The following ABCA12 variants were observed in gnomAD, a reference collection of about 807,000 sequenced individuals.
ABCA12 encodes ATP binding cassette subfamily A member 12, also known as glucosylceramide transporter ABCA12.
A neutral mutation model predicts 293.5 loss-of-function variants in ABCA12; 156 were observed. The observed-to-expected ratio is 0.53, with a 90% CI of 0.47 to 0.61. The LOEUF is 0.61. ABCA12 is among the 20% of genes least tolerant of loss of function. The probability of loss-of-function intolerance (pLI) is 0.00; values close to 1 mark genes in which losing one functional copy is unlikely to be tolerated. For synonymous variants in ABCA12, 1,063 were observed against 1,108.0 expected (o/e 0.96, Z 0.81); for missense variants, 2,797 against 3,090.2 (o/e 0.91, Z 2.25).
intron 8 of ABCA12, among the ~76,000 whole-genome samples, chr2:215,034,226 A>G (rs2106033998): frequency 6.6e-6 from 1 of 152,306 alleles, no homozygotes; most frequent in East Asian, 1.9e-4. Flanking sequence ...TCCTAGCTGG[A>G]GCCGAGCTGA....
chr2:214,974,547 A>G (rs535518638), intron 35 of ABCA12, among the ~76,000 whole-genome samples: 91 of 152,358 alleles, frequency 6.0e-4, no homozygotes, highest in Non-Finnish European at 7.5e-4. Context: ...ATTAAATGAA[A>G]ATATGTATAC....
intron 23 of ABCA12, among the ~76,000 whole-genome samples, chr2:214,994,203 G>A (rs1312220366): frequency 6.6e-6 from 1 of 152,068 alleles, no homozygotes; most frequent in African/African-American, 2.4e-5. Context: ...ATTTGCTGAT[G>A]GAAGGGGGCC....
At chr2:215,096,747 C>T (rs1016077184) in intron 2 of ABCA12, among the ~76,000 whole-genome samples, 37 of 152,250 alleles carry the variant, frequency 2.4e-4, no homozygotes, top group African/African-American at 8.7e-4. Flanking sequence ...TTGCCCTGAT[C>T]TAGTCTTCTG....
intron 22 of ABCA12, among the ~76,000 whole-genome samples, chr2:214,999,496 T>A (rs1280381769): frequency 6.6e-6 from 1 of 152,172 alleles, no homozygotes; most frequent in Non-Finnish European, 1.5e-5. Flanking sequence ...AAATAATTAA[T>A]GGGAAATCAC....
intron 36 of ABCA12, 38 bp from the exon 37 acceptor site, chr2:214,970,438 A>G (rs373373035): frequency 2.2e-5 from 36 of 1,610,908 alleles, no homozygotes; most frequent in Non-Finnish European, 2.9e-5. Flanking sequence ...TTTTCTGGCC[A>G]ATGCTGTGCA....
chr2:214,944,818 G>A (rs1698527217), intron 49 of ABCA12, among the ~76,000 whole-genome samples, 183 bp downstream of exon 49: 1 of 151,414 alleles, frequency 6.6e-6, no homozygotes, highest in African/African-American at 2.4e-5. Flanking sequence ...TTGAACTGTG[G>A]GCATTCGTTG....
Position 214,954,038 on chromosome 2 carries a change from C to T in ABCA12, c.6463G>A (p.Gly2155Ser), listed in dbSNP as rs750214847. 5.8e-5 allele frequency: 93 copies of T among 1,613,914 alleles called. No individual in the cohort carries two copies. Among genetic ancestry groups the T allele is most frequent in the Non-Finnish European group, 7.9e-5 (93 of 1,179,942 alleles). Residue 2155 changes from glycine to serine, a missense_variant, in exon 44 of 53, where the codon GGT (glycine) becomes AGT (serine). Gly to Ser is a moderately conservative substitution (Grantham distance 56, BLOSUM62 0). Coordinates refer to ENST00000272895, the MANE Select transcript of ABCA12 (RefSeq NM_173076.3). The stretch of plus-strand genomic sequence containing the variant: ...TGTTGTTGAGAAAGTTCAATCAAAC[C>T]GTAGCCAAAACAGAATTGTGGGAAA... ...LIFPQFCFGY[G>S]LIELSQQQSV...
At chr2:215,085,651 C>T (rs371702026) in intron 2 of ABCA12, among the ~76,000 whole-genome samples, 6 of 152,258 alleles carry the variant, frequency 3.9e-5, no homozygotes, top group East Asian at 3.9e-4. Flanking sequence ...TTTAGCTTTA[C>T]GTACACAAGG....
At chr2:215,027,006 T>A in intron 9 of ABCA12, 68 bp from the exon 10 acceptor site, 2 of 1,168,860 alleles carry the variant, frequency 1.7e-6, no homozygotes, top group Non-Finnish European at 2.6e-6. Context: ...TTTGTTGAGA[T>A]CATTTTGGTC....
At chr2:214,978,549 T>G in intron 32 of ABCA12, 83 bp from the exon 33 acceptor site, 2 of 1,508,332 alleles carry the variant, frequency 1.3e-6, no homozygotes, top group Non-Finnish European at 1.8e-6. Context: ...GATTTTGAAC[T>G]TTTATCACAT....
intron 1 of ABCA12, among the ~76,000 whole-genome samples, chr2:215,134,495 CACATATATGCGTATGTATATGT>C (rs1375849998): frequency 3.8e-5 from 4 of 104,424 alleles, no homozygotes; most frequent in African/African-American, 2.0e-4. Context: ...CGTATATATG[CACATATATGCGTATGTATATGT>C]GTATATATAC....
intron 48 of ABCA12, 148 bp downstream of exon 48, chr2:214,947,274 G>A (rs766207271): frequency 2.7e-5 from 29 of 1,058,694 alleles, no homozygotes; most frequent in Non-Finnish European, 3.9e-5. Flanking sequence ...TATTGAGATA[G>A]TATACATAAA....
At chr2:215,128,933 A>T (rs892793724) in intron 1 of ABCA12, among the ~76,000 whole-genome samples, 1 of 152,160 alleles carries the variant, frequency 6.6e-6, no homozygotes, top group African/African-American at 2.4e-5. Context: ...AGGCTCTGTC[A>T]GAGGGAAGAT....
chr2:214,998,860 G>A (rs1700086772), intron 22 of ABCA12, among the ~76,000 whole-genome samples: 1 of 152,278 alleles, frequency 6.6e-6, no homozygotes, highest in Middle Eastern at 3.4e-3. Flanking sequence ...AGATGTCGAT[G>A]AGAGATTCTA....
chr2:215,066,424 C>A (rs1246061228), intron 2 of ABCA12, among the ~76,000 whole-genome samples: 3 of 151,824 alleles, frequency 2.0e-5, no homozygotes, highest in African/African-American at 7.3e-5. Flanking sequence ...TCAAGAAAAG[C>A]CATATTGCAA....
At chr2:215,024,646 A>AT (rs1048221562) in intron 11 of ABCA12, among the ~76,000 whole-genome samples, 15 of 152,314 alleles carry the variant, frequency 9.8e-5, no homozygotes, top group African/African-American at 3.6e-4. Flanking sequence ...TAAGTAGTAC[A>AT]TTTATTTGTA....
intron 46 of ABCA12, 68 bp from the exon 47 acceptor site, chr2:214,948,805 G>C: frequency 6.3e-7 from 1 of 1,597,916 alleles, no homozygotes; most frequent in Non-Finnish European, 8.6e-7. Context: ...CCCAAATGCT[G>C]GGAAGGTAGC....
At chr2:215,093,139 C>T (rs966214231) in intron 2 of ABCA12, among the ~76,000 whole-genome samples, 1 of 152,160 alleles carries the variant, frequency 6.6e-6, no homozygotes, top group Non-Finnish European at 1.5e-5. Context: ...TCGCATATCC[C>T]CCTCCAAAGC....
chr2:214,962,946 A>T (rs1699153496), intron 39 of ABCA12: 1 of 152,158 alleles, frequency 6.6e-6, no homozygotes, highest in South Asian at 2.1e-4. Context: ...TATAGCACTA[A>T]ATGCCCACAT....
Sources: gnomAD v4.1 joint callset for allele counts (sites outside exome capture counted in the v4.1 genomes callset) on GRCh38, gnomAD v4.1.1 for gene constraint, MANE v1.5 for transcripts, NCBI Gene and HGNC (gene_info 2026-07-23, HGNC 2026-07-21) for gene names.